Variants in CLEC12A observed in about 807,000 individuals in gnomAD.
The protein encoded by CLEC12A is C-type lectin domain family 12 member A.
In CLEC12A, 22 loss-of-function variants were observed where a neutral mutation model predicts 26.5. The ratio of observed to expected loss-of-function variants is 0.83; its 90% CI spans 0.59 to 1.19. The LOEUF (loss-of-function observed/expected upper bound fraction) is 1.19, where lower values mean the gene tolerates loss of function less well. Among genes scored for constraint, CLEC12A ranks in the 50% most tolerant of loss-of-function variants. The probability of loss-of-function intolerance (pLI) is 0.00; values close to 1 mark genes in which losing one functional copy is unlikely to be tolerated. For missense variants in CLEC12A, 353 were observed against 315.6 expected (o/e 1.12, Z -0.90); for synonymous variants, 119 against 101.9 (o/e 1.17, Z -1.01).
chr12:9,999,145 C>T (rs758481477), downstream of CLEC12A: 19 of 1,330,748 alleles, frequency 1.4e-5, no homozygotes, highest in South Asian at 2.4e-4. Flanking sequence ...AATGACTTTG[C>T]AAAATGTAGT....
intron 1 of CLEC12A, among the ~76,000 whole-genome samples, chr12:9,954,204 A>C (rs1002380751): frequency 9.4e-6 from 1 of 105,992 alleles, no homozygotes; most frequent in Non-Finnish European, 2.1e-5. Flanking sequence ...AGAATTATCA[A>C]TAAAAAAAAA....
At chr12:9,955,908 G>T (rs550350553) in intron 1 of CLEC12A, among the ~76,000 whole-genome samples, 23 of 152,210 alleles carry the variant, frequency 1.5e-4, no homozygotes, top group Non-Finnish European at 2.9e-4. Context: ...GGAGGAAAAC[G>T]TTGCTTCTCT....
intron 5 of CLEC12A, among the ~76,000 whole-genome samples, chr12:9,982,810 G>C (rs933265907): frequency 1.3e-5 from 2 of 151,936 alleles, no homozygotes; most frequent in African/African-American, 4.8e-5. Context: ...ACTTTTTGGA[G>C]TCTCCAATGT....
intron 1 of CLEC12A, among the ~76,000 whole-genome samples, chr12:9,961,662 C>T (rs772491575): frequency 1.3e-5 from 2 of 152,062 alleles, no homozygotes; most frequent in Non-Finnish European, 2.9e-5. Flanking sequence ...AGAAACAAAA[C>T]TTTTTGGTAG....
chr12:9,961,430 T>C (rs536874938), intron 1 of CLEC12A, among the ~76,000 whole-genome samples: 1 of 152,334 alleles, frequency 6.6e-6, no homozygotes, highest in East Asian at 1.9e-4. Flanking sequence ...GCTACATTCC[T>C]TCCTCACTAT....
At chr12:10,001,254 T>G in the CLEC12A span, among the ~76,000 whole-genome samples, 1 of 152,216 alleles carries the variant, frequency 6.6e-6, no homozygotes, top group East Asian at 1.9e-4. Context: ...TCCCATGTAT[T>G]TTTGTAAACC....
upstream of CLEC12A, among the ~76,000 whole-genome samples, chr12:9,969,895 C>T (rs773216075): frequency 2.5e-4 from 38 of 152,144 alleles, no homozygotes; most frequent in Non-Finnish European, 4.4e-4. Context: ...ATGTTGGATA[C>T]AAACTTAACC....
the CLEC12A span, among the ~76,000 whole-genome samples, chr12:10,003,040 G>C: frequency 2.3e-4 from 35 of 152,282 alleles, no homozygotes; most frequent in Non-Finnish European, 4.1e-4. Flanking sequence ...TGACCACTGT[G>C]GGTGTTATAA....
intron 1 of CLEC12A, among the ~76,000 whole-genome samples, chr12:9,963,510 C>G (rs3994064): frequency 0.49 from 72,009 of 146,522 alleles, 19,998 homozygotes; most frequent in Middle Eastern, 0.63. Flanking sequence ...TGAAATGCCT[C>G]CTATTCCAGT....
rs1280674921 is a variant in CLEC12A, at chr12:9,971,646, A to T, written c.50A>T (p.Glu17Val). 1.9e-6 allele frequency: 3 copies of T among 1,610,582 alleles called. No homozygotes were observed. In the African/African-American group the frequency reaches 4.0e-5, roughly 22 times the overall value. Residue 17 changes from glutamate to valine, a missense_variant, in exon 1 of 6, where the codon GAG (glutamate) becomes GTG (valine). By Grantham distance (121) the Glu-to-Val change is moderately radical. Transcript: ENST00000304361. Reference protein sequence around the residue: ...YADLQFQNSSEMEKIPEIGKF... With the variant: ...YADLQFQNSSVMEKIPEIGKF... ...GATCTTCAATTCCAGAACTCCAGTGAGATGGAAAAAATCCCAGAAATTGGC... is the reference window on the plus strand; with the variant it reads ...GATCTTCAATTCCAGAACTCCAGTGTGATGGAAAAAATCCCAGAAATTGGC...
chr12:9,990,037 A>G (rs892694171), downstream of CLEC12A, among the ~76,000 whole-genome samples: 15 of 148,926 alleles, frequency 1.0e-4, no homozygotes, highest in Non-Finnish European at 2.3e-4. Context: ...CACTGCTCAG[A>G]AAAAAAAAAG....
Position 9,965,100 on chromosome 12 carries a change from G to C in CLEC12A, c.11-6477G>C, listed in dbSNP as rs138556094. On this transcript the variant is annotated intron_variant, in intron 1 of 6. Transcript: ENST00000355690. Reference sequence around the variant, plus strand: ...TTATGAGAACCGTAGAGAATGAGTTGGGCATAGTTTGTGATTTTTTGGGCC... The same window carrying C: ...TTATGAGAACCGTAGAGAATGAGTTCGGCATAGTTTGTGATTTTTTGGGCC... 4.7e-3 allele frequency among the ~76,000 whole-genome samples: 716 copies of C among 152,234 alleles called. 6 individuals carry two copies. Among genetic ancestry groups the C allele is most frequent in the South Asian group, 0.028 (137 of 4,820 alleles).
At chr12:9,988,295 C>T (rs887665878), downstream of CLEC12A, among the ~76,000 whole-genome samples, 4 of 152,126 alleles carry the variant, frequency 2.6e-5, no homozygotes, top group Non-Finnish European at 4.4e-5. Context: ...ATTCAGGACA[C>T]AGGCATGGGC....
chr12:9,984,885 A>G lies in CLEC12A; in HGVS notation c.657A>G (p.Ala219=). 3.9e-6 allele frequency: 6 copies of G among 1,531,064 alleles called. No homozygotes were observed. Among genetic ancestry groups the G allele is most frequent in the Non-Finnish European group, 5.3e-6 (6 of 1,138,576 alleles). The allele number at this position is 1,531,064 out of a possible 1,614,324, so 94.8% of individuals were successfully genotyped here. The part of the protein sequence containing the change: ...INSSAWVIRN[A]PDLNNMYCGY... ...TCTCTTTCAGGGTTATAAGAAACGC[A>G]CCTGACTTAAATAACATGTATTGTG... is the stretch of plus-strand genomic sequence containing the variant. Residue 219 remains alanine, a synonymous_variant, in exon 6 of 6, where the codon GCA becomes GCG. Coordinates refer to ENST00000304361, the MANE Select transcript of CLEC12A (RefSeq NM_138337.6).
At chr12:9,977,229 G>T (rs1864374489) in intron 1 of CLEC12A, among the ~76,000 whole-genome samples, 1 of 151,942 alleles carries the variant, frequency 6.6e-6, no homozygotes, top group South Asian at 2.1e-4. Flanking sequence ...TTATCCATGG[G>T]TCATCAAATT....
At chr12:10,005,157 T>C in the CLEC12A span, among the ~76,000 whole-genome samples, 1 of 152,230 alleles carries the variant, frequency 6.6e-6, no homozygotes, top group African/African-American at 2.4e-5. Flanking sequence ...TCACTGCAGA[T>C]GTCCAAGGCA....
chr12:9,980,464 A>G, intron 3 of CLEC12A, 118 bp from the exon 4 acceptor site: 2 of 1,091,396 alleles, frequency 1.8e-6, no homozygotes, highest in East Asian at 2.5e-5. Context: ...AAAGAGAGAA[A>G]GAAAAAGAAA....
At position 9,979,330 on chromosome 12, in the gene CLEC12A, G is replaced by C. The variant is rs1452810572; in HGVS notation, c.191-6G>C. The C allele has an allele frequency of 6.4e-7, 1 of 1,566,456 alleles. No homozygotes were observed. The highest frequency in any genetic ancestry group is 8.7e-7 in the Non-Finnish European group (1 of 1,151,044). ...TACAATTTTTTGTCATTTTTTTAAT[G>C]TGGAGTTCACGTAACTTTGAAGATA... On this transcript the variant is annotated splice_polypyrimidine_tract_variant and splice_region_variant and intron_variant, in intron 2 of 5. Coordinates refer to ENST00000304361, the MANE Select transcript of CLEC12A (RefSeq NM_138337.6).
the CLEC12A span, among the ~76,000 whole-genome samples, chr12:10,002,455 T>TC: frequency 2.9e-5 from 1 of 33,914 alleles, no homozygotes; most frequent in East Asian, 4.4e-4. Flanking sequence ...TTTTTTTTTT[T>TC]TTTTTGAGAC....
Sources: gnomAD v4.1 joint callset for allele counts (sites outside exome capture counted in the v4.1 genomes callset) on GRCh38, gnomAD v4.1.1 for gene constraint, MANE v1.5 for transcripts, NCBI Gene and HGNC (gene_info 2026-07-23, HGNC 2026-07-21) for gene names.